The following NUP50 variants were observed in gnomAD, a reference collection of about 807,000 sequenced individuals.
NUP50 encodes nucleoporin 50.
A neutral mutation model predicts 36.8 loss-of-function variants in NUP50; 14 were observed. That is an observed-to-expected ratio of 0.38 (90% CI 0.25 to 0.59). The LOEUF (loss-of-function observed/expected upper bound fraction) is 0.59, where lower values mean the gene tolerates loss of function less well. Ranked by LOEUF, NUP50 falls within the 20% of genes least tolerant of loss-of-function variation. The pLI, the probability that NUP50 is intolerant of heterozygous loss-of-function variation, is 0.63. For missense variants in NUP50, 455 were observed against 564.6 expected (o/e 0.81, Z 1.97); for synonymous variants, 195 against 210.8 (o/e 0.93, Z 0.65).
At chr22:45,182,814 C>T (rs1346595955) in intron 6 of NUP50, among the ~76,000 whole-genome samples, 8 of 151,742 alleles carry the variant, frequency 5.3e-5, no homozygotes, top group African/African-American at 9.7e-5. Flanking sequence ...TTAGTAGAGA[C>T]GGGGTTTCAC....
intron 1 of NUP50, chr22:45,165,035 GT>G (rs1338917373): frequency 3.3e-5 from 5 of 152,278 alleles, no homozygotes; most frequent in Non-Finnish European, 1.5e-5. Flanking sequence ...CCAAATCTGT[GT>G]TTTCGTTTTA....
chr22:45,182,748 C>G (rs906205345), intron 6 of NUP50, among the ~76,000 whole-genome samples: 3 of 150,954 alleles, frequency 2.0e-5, no homozygotes, highest in African/African-American at 7.3e-5. Flanking sequence ...CCTCAGCCTC[C>G]CGAGTAGCTG....
intron 3 of NUP50, among the ~76,000 whole-genome samples, chr22:45,172,959 A>G (rs2147677650): frequency 6.6e-6 from 1 of 152,356 alleles, no homozygotes; most frequent in South Asian, 2.1e-4. Context: ...ATCGATTCTC[A>G]GGTGGTTCTG....
intron 4 of NUP50, 133 bp downstream of exon 4, chr22:45,176,213 T>C (rs2074274892): frequency 3.0e-6 from 3 of 983,640 alleles, no homozygotes; most frequent in Non-Finnish European, 3.0e-6. Context: ...ATGAAAGAGA[T>C]GGAACTTAGG....
intron 3 of NUP50, among the ~76,000 whole-genome samples, chr22:45,174,242 A>G (rs553267786): frequency 6.6e-6 from 1 of 150,648 alleles, no homozygotes; most frequent in South Asian, 2.1e-4. Context: ...CGGTGGCACA[A>G]TCTTGACTCT....
At chr22:45,175,576 T>G (rs1294544461) in intron 3 of NUP50, among the ~76,000 whole-genome samples, 1 of 152,216 alleles carries the variant, frequency 6.6e-6, no homozygotes, top group Non-Finnish European at 1.5e-5. Flanking sequence ...GCTTCAGTAA[T>G]TCTGAGGCTG....
chr22:45,171,124 C>T lies in NUP50; in HGVS notation c.70-476C>T, dbSNP rs1312306737. On this transcript the variant is annotated intron_variant, in intron 2 of 7. Transcript: ENST00000347635. ...TGTCCAGCAAGGTCCTAGGTGCCTC[C>T]GTGGCCTTTCGTACAGTGGGCAAGT... 52 of 1,259,876 alleles carry T rather than the reference C, an allele frequency of 4.1e-5. No homozygotes were observed. The South Asian group carries it at 4.3e-4, about 10-fold the overall frequency. The allele number at this position is 1,259,876 out of a possible 1,614,324, so 78.0% of individuals were successfully genotyped here. A position where few individuals can be genotyped will look rare whatever the true frequency, so the allele number is the denominator to read the frequency against.
At chr22:45,181,395 A>G (rs779416536) in intron 6 of NUP50, 28 bp downstream of exon 6, 7 of 1,480,524 alleles carry the variant, frequency 4.7e-6, no homozygotes, top group African/African-American at 2.9e-5. Flanking sequence ...CTGCTGGCGC[A>G]TGTGTTTTGC....
intron 3 of NUP50, 42 bp downstream of exon 3, chr22:45,171,725 G>T: frequency 6.6e-7 from 1 of 1,519,188 alleles, no homozygotes; most frequent in South Asian, 1.1e-5. Context: ...ATACTCATTT[G>T]ATTTCTGGGT....
Position 45,184,575 on chromosome 22 carries a change from G to C in NUP50, c.1327G>C (p.Val443Leu). 5.0e-6 allele frequency: 8 copies of C among 1,612,262 alleles called. No homozygotes were observed. Among genetic ancestry groups the C allele is most frequent in the Non-Finnish European group, 6.8e-6 (8 of 1,178,344 alleles). ...TGACGAGAAGAATGCCACCATGCCAGTCACCATGTTGATTCGGGTAAAAAC... is the reference window on the plus strand; with the variant it reads ...TGACGAGAAGAATGCCACCATGCCACTCACCATGTTGATTCGGGTAAAAAC... ...PIDEKNATMP[V>L]TMLIRVKTSE... The change falls in exon 8 of 8, where the codon GTC (valine) becomes CTC (leucine). Residue 443 changes from valine (V) to leucine (L), a missense_variant. This residue lies in a region of NUP50 where 287 missense variants were observed against 345.5 expected (regional missense o/e 0.83). Transcript: ENST00000347635.
At position 45,175,883 on chromosome 22, in the gene NUP50, T is replaced by C. The variant is rs1192949459; in HGVS notation, c.154-11T>C. 1.1e-5 allele frequency: 18 copies of C among 1,613,866 alleles called. No homozygotes were observed. The highest frequency in any genetic ancestry group is 1.5e-5 in the Non-Finnish European group (18 of 1,179,848). On this transcript the variant is annotated splice_polypyrimidine_tract_variant and intron_variant, in intron 3 of 7. Transcript: ENST00000347635. The stretch of plus-strand genomic sequence containing the variant: ...CACTTACCTAATGTGTGCTCCTCCT[T>C]CATACTTCAGTCTGACACTGGAGGA...
intron 5 of NUP50, among the ~76,000 whole-genome samples, chr22:45,181,032 T>C (rs1601787448): frequency 6.6e-6 from 1 of 151,946 alleles, no homozygotes; most frequent in Non-Finnish European, 1.5e-5. Context: ...TAAGGTTTTC[T>C]ATATATTGGA....
intron 7 of NUP50, 148 bp from the exon 8 acceptor site, chr22:45,184,301 CAGGG>C: frequency 1.4e-6 from 1 of 715,128 alleles, no homozygotes; most frequent in Non-Finnish European, 2.3e-6. Flanking sequence ...TCCCAGTTCT[CAGGG>C]AACCAGTCCT....
chr22:45,168,141 T>A, intron 1 of NUP50, 27 bp from the exon 2 acceptor site: 1 of 1,514,180 alleles, frequency 6.6e-7, no homozygotes, highest in East Asian at 2.3e-5. Flanking sequence ...TCTAGAAAAA[T>A]AAACTCTTCT....
intron 3 of NUP50, among the ~76,000 whole-genome samples, chr22:45,174,785 T>G (rs1302394433): frequency 6.6e-6 from 1 of 152,224 alleles, no homozygotes; most frequent in Admixed American, 6.5e-5. Flanking sequence ...ATTATGTGCA[T>G]TAAAACTCAT....
chr22:45,173,073 T>C (rs2074221919), intron 3 of NUP50, among the ~76,000 whole-genome samples: 2 of 152,214 alleles, frequency 1.3e-5, no homozygotes, highest in Admixed American at 1.3e-4. Flanking sequence ...CTTCATTTCC[T>C]GACGTTGTAA....
chr22:45,170,005 GA>G (rs2074160253), intron 2 of NUP50, among the ~76,000 whole-genome samples: 1 of 152,192 alleles, frequency 6.6e-6, no homozygotes, highest in Non-Finnish European at 1.5e-5. Context: ...AAGAAATAGT[GA>G]AAGTTTTAAA....
rs1288075951 is a variant in NUP50 at position 45,187,077 on chromosome 22, T to C, written c.*2422T>C. The C allele has an allele frequency of 1.3e-5, 2 of 152,216 alleles. No individual in the cohort carries two copies. The highest frequency in any genetic ancestry group is 2.4e-5 in the African/African-American group (1 of 41,464). The allele number at this position is 152,216 out of a possible 1,614,324, so 9.4% of individuals were successfully genotyped here. ...ATCTTTTGTTTGAGAATCTATGAAG[T>C]GTATCATATACGTGGCCTAAAGCAA... is the stretch of plus-strand genomic sequence containing the variant. On this transcript the variant is annotated 3_prime_UTR_variant, in exon 8 of 8. Transcript: ENST00000347635.
chr22:45,181,263 A>G (rs777120485), intron 5 of NUP50, 23 bp from the exon 6 acceptor site: 59 of 1,548,418 alleles, frequency 3.8e-5, no homozygotes. Context: ...AATCTTACTG[A>G]ATTATTGTCA....
Sources: gnomAD v4.1 joint callset for allele counts (sites outside exome capture counted in the v4.1 genomes callset) on GRCh38, gnomAD v4.1.1 for gene constraint, gnomAD v4.1.1 regional missense constraint, MANE v1.5 for transcripts, NCBI Gene and HGNC (gene_info 2026-07-23, HGNC 2026-07-21) for gene names.